Variants in EED observed in about 807,000 individuals in gnomAD.
EED encodes the protein polycomb protein EED.
A neutral mutation model predicts 61.0 loss-of-function variants in EED; 9 were observed. The observed-to-expected ratio is 0.15, with a 90% confidence interval of 0.09 to 0.26. The LOEUF (loss-of-function observed/expected upper bound fraction) is 0.26, where lower values mean the gene tolerates loss of function less well. Among genes scored for constraint, EED ranks in the 10% least tolerant of loss-of-function variants. The pLI is 1.00. For missense variants in EED, 315 were observed against 542.3 expected, an observed-to-expected ratio of 0.58 and a Z score of 4.16; for synonymous variants, 187 against 174.4, an observed-to-expected ratio of 1.07 and a Z score of -0.57.
chr11:86,277,133 CA>C lies in EED; in HGVS notation c.1124del (p.Lys375ArgfsTer17). 1.9e-6 allele frequency: 3 copies of C among 1,578,270 alleles called. No individual in the cohort carries two copies. The highest frequency in any genetic ancestry group is 2.6e-6 in the Non-Finnish European group (3 of 1,156,548). ...WYMRFSMDFW[Q>X]KMLALGNQVG... is the part of the protein sequence containing the mutation. ...CATGAGGTTTTCTATGGATTTCTGG[CA>C]AAAGGTATCAACATACTTTTACATT... On this transcript the variant is annotated frameshift_variant, in exon 10 of 12. Transcript: ENST00000263360. LOFTEE classifies it high-confidence loss of function.
the EED span, chr11:86,283,901 A>AT: frequency 1.3e-5 from 2 of 152,108 alleles, no homozygotes; most frequent in Non-Finnish European, 2.9e-5. Flanking sequence ...TGAAGAGGTA[A>AT]TTATCTTACT....
intron 7 of EED, chr11:86,264,911 A>C (rs1196286198): frequency 2.6e-5 from 4 of 152,164 alleles, no homozygotes; most frequent in Non-Finnish European, 4.4e-5. Flanking sequence ...TTTTCCATTA[A>C]ACTATGTAAA....
intron 5 of EED, 92 bp downstream of exon 5, chr11:86,256,604 T>G: frequency 8.1e-7 from 1 of 1,227,676 alleles, no homozygotes; most frequent in Non-Finnish European, 1.1e-6. Context: ...ATGGTATGAA[T>G]GTAACATTTC....
At chr11:86,285,586 A>G in the EED span, among the ~76,000 whole-genome samples, 1 of 152,064 alleles carries the variant, frequency 6.6e-6, no homozygotes. Context: ...ATTCATTTTC[A>G]TATTGTGTAA....
chr11:86,245,153 C>G lies in EED; in HGVS notation c.-77C>G. The G allele has an allele frequency of 2.4e-6, 3 of 1,245,406 alleles. No homozygotes were observed. Among genetic ancestry groups the G allele is most frequent in the Non-Finnish European group, 3.4e-6 (3 of 885,970 alleles). The allele number at this position is 1,245,406 out of a possible 1,614,324, so 77.1% of individuals were successfully genotyped here. On this transcript the variant is annotated 5_prime_UTR_variant, in exon 1 of 12. Transcript: ENST00000263360. ...GGCAGCGGCAACTTTGCGGCAAGCT[C>G]GGGCCGGGCTTGCTTGACGGCGGTG...
chr11:86,282,989 C>T (rs1946340245), downstream of EED, among the ~76,000 whole-genome samples: 1 of 151,978 alleles, frequency 6.6e-6, no homozygotes. Flanking sequence ...AAAAAATTAG[C>T]CAGGCATGAT....
chr11:86,270,355 GTT>G (rs55640335), intron 9 of EED, among the ~76,000 whole-genome samples: 2,106 of 128,502 alleles, frequency 0.016, 22 homozygotes, highest in Middle Eastern at 0.023. Context: ...TTTTTGTTGT[GTT>G]TTTTTTTTTT....
chr11:86,284,107 A>G, the EED span: 2 of 152,288 alleles, frequency 1.3e-5, no homozygotes, highest in Non-Finnish European at 2.9e-5. Context: ...AGCAGCTTCC[A>G]CGGTTTATTT....
downstream of EED, among the ~76,000 whole-genome samples, chr11:86,280,784 A>T (rs886719638): frequency 1.3e-5 from 2 of 152,246 alleles, no homozygotes; most frequent in Non-Finnish European, 2.9e-5. Flanking sequence ...ACTAATGAGT[A>T]TGATGTTAGT....
In EED at chr11:86,251,022, T is replaced by C. The variant is rs540726277; in HGVS notation, c.267+574T>C. Among the ~76,000 whole-genome samples, 217 of 152,298 alleles carry C rather than the reference T, an allele frequency of 1.4e-3. 1 individual carries two copies. The highest frequency in any genetic ancestry group is 5.1e-3 in the African/African-American group (210 of 41,584). ...TTATTTACTTTATAAAAGGGGTTAC[T>C]GGTGTTTAAGATATTTTCTTTTATA... On this transcript the variant is annotated intron_variant, in intron 2 of 11. Coordinates refer to ENST00000263360, the MANE Select transcript of EED (RefSeq NM_003797.5).
rs191691902 is a variant in EED at position 86,247,224 on chromosome 11, C to G, written c.114+1881C>G. 2.9e-3 allele frequency among the ~76,000 whole-genome samples: 437 copies of G among 152,294 alleles called. 3 individuals are homozygous for G. Among genetic ancestry groups the G allele is most frequent in the African/African-American group, 0.01 (419 of 41,550 alleles). Reference sequence around the variant, plus strand: ...TTGGATTAGTTTTGTTTTGGTTCCTCCATTTGGATAGCCTTAATTTTGTGT... The same window carrying G: ...TTGGATTAGTTTTGTTTTGGTTCCTGCATTTGGATAGCCTTAATTTTGTGT... On this transcript the variant is annotated intron_variant, in intron 1 of 11. Transcript: ENST00000263360.
chr11:86,260,814 T>A (rs764544008), intron 6 of EED, among the ~76,000 whole-genome samples: 10 of 152,198 alleles, frequency 6.6e-5, no homozygotes, highest in Non-Finnish European at 1.3e-4. Flanking sequence ...GAGATAAATA[T>A]GCTTAAAATA....
chr11:86,248,983 A>C (rs142981232), intron 1 of EED, among the ~76,000 whole-genome samples: 58 of 152,240 alleles, frequency 3.8e-4, no homozygotes, highest in Middle Eastern at 3.4e-3. Context: ...TGGGTGACAG[A>C]GGGAGAGCCT....
intron 8 of EED, among the ~76,000 whole-genome samples, chr11:86,267,245 T>C (rs1477562066): frequency 6.6e-6 from 1 of 152,208 alleles, no homozygotes; most frequent in Non-Finnish European, 1.5e-5. Context: ...GTTAAGAATT[T>C]ATATCAGATC....
chr11:86,255,043 G>A (rs1482019131), intron 3 of EED, among the ~76,000 whole-genome samples, 179 bp from the exon 4 acceptor site: 1 of 152,240 alleles, frequency 6.6e-6, no homozygotes, highest in East Asian at 1.9e-4. Context: ...AATATGCTCT[G>A]TGTATTATGT....
rs1242551210 is a variant in EED at position 86,245,209 on chromosome 11, C to T, written c.-21C>T. ...GAGGCCCCGCCCCAGGCGGCAGGAA[C>T]CTGGAGGGAGGCGGAGGAATATGTC... On this transcript the variant is annotated 5_prime_UTR_variant, in exon 1 of 12. Coordinates refer to ENST00000263360, the MANE Select transcript of EED (RefSeq NM_003797.5). 3.7e-6 allele frequency: 6 copies of T among 1,604,668 alleles called. No individual in the cohort carries two copies. The highest frequency in any genetic ancestry group is 2.7e-5 in the African/African-American group (2 of 74,496).
intron 7 of EED, chr11:86,265,200 A>G (rs1370815061): frequency 6.6e-6 from 1 of 152,228 alleles, no homozygotes; most frequent in Non-Finnish European, 1.5e-5. Context: ...CTGTGAATTC[A>G]ATAAACATCA....
chr11:86,253,738 G>T (rs192839110), intron 3 of EED, among the ~76,000 whole-genome samples: 5 of 152,014 alleles, frequency 3.3e-5, no homozygotes, highest in African/African-American at 4.8e-5. Context: ...TTGCTAATGT[G>T]ACTGACTATA....
downstream of EED, among the ~76,000 whole-genome samples, chr11:86,279,081 T>C (rs188731395): frequency 4.5e-4 from 68 of 152,362 alleles, 2 homozygotes; most frequent in Non-Finnish European, 1.8e-4. Flanking sequence ...TCTGTGTTTA[T>C]AATTATTGGA....
Sources: allele counts gnomAD v4.1 joint callset (sites outside exome capture counted in the v4.1 genomes callset), GRCh38; gene constraint gnomAD v4.1.1; transcripts MANE v1.5; gene names NCBI Gene and HGNC (gene_info 2026-07-23, HGNC 2026-07-21).